The following PTPN14 variants were observed in gnomAD, a reference collection of about 807,000 sequenced individuals.
The protein encoded by PTPN14 is tyrosine-protein phosphatase non-receptor type 14.
Under a neutral mutation model 126.8 loss-of-function variants are expected in PTPN14, and 53 were observed. The ratio of observed to expected loss-of-function variants is 0.42; its 90% CI spans 0.34 to 0.53. PTPN14 has a LOEUF of 0.53. Among genes scored for constraint, PTPN14 ranks in the 20% least tolerant of loss-of-function variants. PTPN14 has a pLI of 0.08. For missense variants in PTPN14, 1,257 were observed against 1,552.9 expected (o/e 0.81, Z 3.20); for synonymous variants, 630 against 599.3 (o/e 1.05, Z -0.75).
intron 1 of PTPN14, among the ~76,000 whole-genome samples, chr1:214,520,063 A>ATATAT (rs1173435556): frequency 1.0e-3 from 80 of 78,082 alleles, no homozygotes; most frequent in African/African-American, 5.8e-3. Flanking sequence ...AAAAAAAAAA[A>ATATAT]AAATATATAT....
At chr1:214,387,038 C>A in intron 11 of PTPN14, 116 bp from the exon 12 acceptor site, 1 of 846,308 alleles carries the variant, frequency 1.2e-6, no homozygotes, top group Non-Finnish European at 1.9e-6. Context: ...CTCGTGGCAG[C>A]TGCTGTCCCT....
intron 1 of PTPN14, among the ~76,000 whole-genome samples, chr1:214,494,183 G>A (rs1212956233): frequency 6.6e-6 from 1 of 152,088 alleles, no homozygotes; most frequent in African/African-American, 2.4e-5. Context: ...CCATTCTCCT[G>A]CCTCAGCCTC....
At chr1:214,487,778 T>C (rs932474051) in intron 1 of PTPN14, among the ~76,000 whole-genome samples, 2 of 152,190 alleles carry the variant, frequency 1.3e-5, no homozygotes, top group African/African-American at 4.8e-5. Context: ...ACCTAAAAGA[T>C]GAAAGATAAG....
intron 1 of PTPN14, among the ~76,000 whole-genome samples, chr1:214,534,926 G>A (rs961795296): frequency 3.3e-5 from 5 of 151,826 alleles, no homozygotes; most frequent in Admixed American, 6.6e-5. Context: ...CCATCCCCTC[G>A]CACAACAGCT....
At chr1:214,475,077 G>C (rs1029707040) in intron 1 of PTPN14, among the ~76,000 whole-genome samples, 4 of 152,186 alleles carry the variant, frequency 2.6e-5, no homozygotes, top group African/African-American at 9.7e-5. Flanking sequence ...TTGAAGGTGG[G>C]AGACAGGTAT....
At chr1:214,445,161 G>A (rs1354910413) in intron 3 of PTPN14, among the ~76,000 whole-genome samples, 3 of 152,168 alleles carry the variant, frequency 2.0e-5, no homozygotes, top group Non-Finnish European at 4.4e-5. Context: ...GGAAGAACTG[G>A]GAGATGTACA....
rs188817424 is a variant in PTPN14, at chr1:214,437,269, T to C, written c.344+14536A>G. ...GGCAAAAGAATTACTGAAATCCATA[T>C]GTAGAATTCTCAGTTTTGCAAAATT... On this transcript the variant is annotated intron_variant, in intron 3 of 18. Transcript: ENST00000366956. 6.9e-4 allele frequency among the ~76,000 whole-genome samples: 105 copies of C among 152,232 alleles called. 1 individual carries two copies. In the Middle Eastern group the frequency reaches 0.017, roughly 25 times the overall value.
At chr1:214,499,326 T>C (rs1654620787) in intron 1 of PTPN14, among the ~76,000 whole-genome samples, 1 of 152,044 alleles carries the variant, frequency 6.6e-6, no homozygotes, top group Non-Finnish European at 1.5e-5. Context: ...CATAGTGATA[T>C]AGAACCCTAG....
At chr1:214,427,591 TCA>T (rs769981991) in intron 3 of PTPN14, among the ~76,000 whole-genome samples, 8 of 152,146 alleles carry the variant, frequency 5.3e-5, no homozygotes, top group Non-Finnish European at 8.8e-5. Context: ...ACTAGGGATA[TCA>T]CAGTGAACAA....
At chr1:214,433,907 A>T (rs2102610992) in intron 3 of PTPN14, among the ~76,000 whole-genome samples, 1 of 141,480 alleles carries the variant, frequency 7.1e-6, no homozygotes, top group South Asian at 2.3e-4. Context: ...TGGGCAACAT[A>T]GTGAGACATT....
At position 214,533,773 on chromosome 1, in the gene PTPN14, C is replaced by G. The variant is rs552948790; in HGVS notation, c.-155+17410G>C. On this transcript the variant is annotated intron_variant, in intron 1 of 18. Coordinates refer to ENST00000366956, the MANE Select transcript of PTPN14 (RefSeq NM_005401.5). ...AATGGCGTGAACCCGGGAGGCGGAG[C>G]TTGCAGTGAGCCGAGATTGTCCCAC... Among the ~76,000 whole-genome samples, 3 of 149,590 alleles carry G rather than the reference C, an allele frequency of 2.0e-5. No homozygotes were observed. The East Asian group carries it at 6.0e-4, about 30-fold the overall frequency.
intron 13 of PTPN14, among the ~76,000 whole-genome samples, chr1:214,382,394 T>A (rs910896791): frequency 6.6e-6 from 1 of 152,168 alleles, no homozygotes; most frequent in Non-Finnish European, 1.5e-5. Flanking sequence ...AAATCATAGG[T>A]CACTAAAGCC....
intron 16 of PTPN14, among the ~76,000 whole-genome samples, chr1:214,370,236 C>T (rs539404327): frequency 2.0e-5 from 3 of 149,698 alleles, no homozygotes; most frequent in South Asian, 2.1e-4. Context: ...GCCAAGATCA[C>T]GCCACTGCAC....
At chr1:214,470,509 A>G (rs1660729694) in intron 1 of PTPN14, among the ~76,000 whole-genome samples, 1 of 152,116 alleles carries the variant, frequency 6.6e-6, no homozygotes, top group Non-Finnish European at 1.5e-5. Flanking sequence ...TTGGCCAGGC[A>G]CGGTGACTCA....
chr1:214,501,779 G>A (rs28648757), intron 1 of PTPN14, among the ~76,000 whole-genome samples: 1 of 152,156 alleles, frequency 6.6e-6, no homozygotes, highest in African/African-American at 2.4e-5. Flanking sequence ...TATTTTTTAG[G>A]CCAGGTGCAG....
chr1:214,503,693 G>C (rs1314904214), intron 1 of PTPN14, among the ~76,000 whole-genome samples: 2 of 152,094 alleles, frequency 1.3e-5, no homozygotes, highest in African/African-American at 4.8e-5. Context: ...GGTGTAATTC[G>C]GTAAAATCCT....
At chr1:214,471,127 A>C (rs529375481) in intron 1 of PTPN14, among the ~76,000 whole-genome samples, 4 of 151,574 alleles carry the variant, frequency 2.6e-5, no homozygotes, top group Non-Finnish European at 5.9e-5. Flanking sequence ...TGATGAAAGT[A>C]ATTTGGAATA....
At chr1:214,513,440 T>A (rs1337783103) in intron 1 of PTPN14, among the ~76,000 whole-genome samples, 2 of 132,438 alleles carry the variant, frequency 1.5e-5, no homozygotes, top group Non-Finnish European at 3.0e-5. Flanking sequence ...TTTCCATTAG[T>A]TCTTCAAAAA....
At chr1:214,502,337 C>T (rs1429213767) in intron 1 of PTPN14, among the ~76,000 whole-genome samples, 1 of 152,086 alleles carries the variant, frequency 6.6e-6, no homozygotes, top group Non-Finnish European at 1.5e-5. Context: ...CTGTGTTCAA[C>T]CCAACTCTGT....
Sources: allele counts gnomAD v4.1 joint callset (sites outside exome capture counted in the v4.1 genomes callset), GRCh38; gene constraint gnomAD v4.1.1; transcripts MANE v1.5; gene names NCBI Gene and HGNC (gene_info 2026-07-23, HGNC 2026-07-21).